Variants in GRXCR1 observed in about 807,000 individuals in gnomAD.
GRXCR1 encodes glutaredoxin and cysteine rich domain containing 1, also known as glutaredoxin domain-containing cysteine-rich protein 1.
GRXCR1 carries 27 observed loss-of-function variants against 27.3 expected under a neutral mutation model. That is an observed-to-expected ratio of 0.99 (90% confidence interval 0.73 to 1.37). GRXCR1 has a LOEUF of 1.37. GRXCR1 is among the 40% of genes most tolerant of loss of function. The probability of loss-of-function intolerance (pLI) is 0.00; values close to 1 mark genes in which losing one functional copy is unlikely to be tolerated. For missense variants in GRXCR1, 379 were observed against 354.4 expected, an observed-to-expected ratio of 1.07 and a Z score of -0.56; for synonymous variants, 122 against 131.1, an observed-to-expected ratio of 0.93 and a Z score of 0.47.
At chr4:43,013,603 C>T (rs531784996) in intron 2 of GRXCR1, among the ~76,000 whole-genome samples, 1 of 152,218 alleles carries the variant, frequency 6.6e-6, no homozygotes, top group East Asian at 1.9e-4. Flanking sequence ...AGGTAACAAA[C>T]CTGCACATGT....
At chr4:42,969,194 G>A (rs1369186894) in intron 2 of GRXCR1, among the ~76,000 whole-genome samples, 1 of 152,118 alleles carries the variant, frequency 6.6e-6, no homozygotes, top group East Asian at 1.9e-4. Flanking sequence ...GCTTTGTTAT[G>A]TTTTGAAAGT....
intron 2 of GRXCR1, among the ~76,000 whole-genome samples, chr4:43,014,361 C>A (rs1409643601): frequency 6.6e-6 from 1 of 152,062 alleles, no homozygotes; most frequent in Non-Finnish European, 1.5e-5. Context: ...GTTGATGAAA[C>A]CTCCCATTTT....
At chr4:42,986,921 C>G (rs1416434076) in intron 2 of GRXCR1, among the ~76,000 whole-genome samples, 1 of 151,348 alleles carries the variant, frequency 6.6e-6, no homozygotes, top group African/African-American at 2.4e-5. Context: ...CATTGAGTAC[C>G]TTCTGTGCGA....
At chr4:42,909,199 C>A (rs1746663399) in intron 1 of GRXCR1, among the ~76,000 whole-genome samples, 1 of 152,150 alleles carries the variant, frequency 6.6e-6, no homozygotes, top group African/African-American at 2.4e-5. Context: ...GGTGCATCTG[C>A]CATACAGGGT....
At chr4:42,979,813 G>T (rs1484609788) in intron 2 of GRXCR1, among the ~76,000 whole-genome samples, 4 of 151,868 alleles carry the variant, frequency 2.6e-5, no homozygotes, top group Non-Finnish European at 5.9e-5. Context: ...TTTGTATGAT[G>T]AAATACTTTC....
Position 42,926,821 on chromosome 4 carries a change from A to G in GRXCR1, c.384+33171A>G, listed in dbSNP as rs190350128. 1.7e-3 allele frequency among the ~76,000 whole-genome samples: 266 copies of G among 152,160 alleles called. 2 individuals are homozygous for G. Among genetic ancestry groups the G allele is most frequent in the African/African-American group, 6.2e-3 (259 of 41,562 alleles). On this transcript the variant is annotated intron_variant, in intron 1 of 3. Transcript: ENST00000399770. ...CCAACAGAAAAATCAGTTCCCAAAT[A>G]GCATATTGGTTTTCCATGGTTTTCT... is the stretch of plus-strand genomic sequence containing the variant.
At chr4:42,991,553 A>G (rs1711975940) in intron 2 of GRXCR1, among the ~76,000 whole-genome samples, 1 of 152,004 alleles carries the variant, frequency 6.6e-6, no homozygotes, top group South Asian at 2.1e-4. Context: ...TGGGAGAGAG[A>G]GCATGTGAGG....
chr4:43,005,143 C>T (rs1180931034), intron 2 of GRXCR1, among the ~76,000 whole-genome samples: 1 of 152,068 alleles, frequency 6.6e-6, no homozygotes, highest in Admixed American at 6.6e-5. Flanking sequence ...TTTGGCAGTT[C>T]CCCCCTCACT....
At position 43,008,770 on chromosome 4, in the gene GRXCR1, G is replaced by A. The variant is rs1712644909; in HGVS notation, c.628-11584G>A. Among the ~76,000 whole-genome samples, 12 of 152,168 alleles carry A rather than the reference G, an allele frequency of 7.9e-5. No individual in the cohort carries two copies. The South Asian group carries it at 2.5e-3, about 32-fold the overall frequency. On this transcript the variant is annotated intron_variant, in intron 2 of 3. Coordinates refer to ENST00000399770, the MANE Select transcript of GRXCR1 (RefSeq NM_001080476.3). ...ATTCTGACCCTGCCAACTGTTAGTTGTGTGATTTTGAACAATATTCCTGTA... is the reference window on the plus strand; with the variant it reads ...ATTCTGACCCTGCCAACTGTTAGTTATGTGATTTTGAACAATATTCCTGTA...
At chr4:42,998,841 C>T (rs1337512071) in intron 2 of GRXCR1, among the ~76,000 whole-genome samples, 1 of 152,112 alleles carries the variant, frequency 6.6e-6, no homozygotes, top group African/African-American at 2.4e-5. Flanking sequence ...TTTTGTGTGT[C>T]AGAGATAAGT....
intron 1 of GRXCR1, among the ~76,000 whole-genome samples, chr4:42,910,704 C>T (rs1387669334): frequency 6.6e-6 from 1 of 152,142 alleles, no homozygotes; most frequent in African/African-American, 2.4e-5. Context: ...GGCATATAAG[C>T]TGTCCTTGAT....
At chr4:42,954,778 A>G (rs1217812801) in intron 1 of GRXCR1, among the ~76,000 whole-genome samples, 1 of 151,646 alleles carries the variant, frequency 6.6e-6, no homozygotes, top group Non-Finnish European at 1.5e-5. Flanking sequence ...AGAGCTGAAT[A>G]GAGAGTATGG....
chr4:42,916,449 G>A (rs565546161), intron 1 of GRXCR1, among the ~76,000 whole-genome samples: 7 of 152,096 alleles, frequency 4.6e-5, no homozygotes, highest in African/African-American at 1.7e-4. Context: ...AGATAATATC[G>A]CCTTAACCTT....
intron 1 of GRXCR1, among the ~76,000 whole-genome samples, chr4:42,959,903 A>T (rs548411935): frequency 6.6e-6 from 1 of 152,044 alleles, no homozygotes; most frequent in East Asian, 1.9e-4. Flanking sequence ...AGATTTTCAA[A>T]GGATCCCCAG....
chr4:42,938,695 G>A (rs566961968), intron 1 of GRXCR1, among the ~76,000 whole-genome samples: 1 of 151,824 alleles, frequency 6.6e-6, no homozygotes, highest in African/African-American at 2.4e-5. Flanking sequence ...TGAGAGATAT[G>A]GGTCTAATTT....
rs115794646 is a variant in GRXCR1 at position 42,943,078 on chromosome 4, G to A, written c.385-19814G>A. ...CGCATTATCAGTTTGGGATATAGAG[G>A]TACCAGAGTTAAATCCTGGTTTTCC... On this transcript the variant is annotated intron_variant, in intron 1 of 3. Transcript: ENST00000399770. Among the ~76,000 whole-genome samples, 529 of 152,154 alleles carry A rather than the reference G, an allele frequency of 3.5e-3. 2 individuals are homozygous for A. The highest frequency in any genetic ancestry group is 0.012 in the African/African-American group (501 of 41,536).
intron 1 of GRXCR1, among the ~76,000 whole-genome samples, chr4:42,958,860 A>G (rs1748068517): frequency 1.3e-5 from 2 of 152,014 alleles, no homozygotes; most frequent in Non-Finnish European, 2.9e-5. Flanking sequence ...AGTGCAAATC[A>G]AAACAGTGAG....
chr4:42,979,001 C>T (rs1334897080), intron 2 of GRXCR1, among the ~76,000 whole-genome samples: 1 of 152,002 alleles, frequency 6.6e-6, no homozygotes, highest in Non-Finnish European at 1.5e-5. Flanking sequence ...TGCCTTGCTT[C>T]TCTTTCACTT....
chr4:42,935,786 T>C (rs1747441863), intron 1 of GRXCR1, among the ~76,000 whole-genome samples: 1 of 151,928 alleles, frequency 6.6e-6, no homozygotes. Flanking sequence ...ATAATCTTAA[T>C]GCGTTTTATT....
Sources: gnomAD v4.1 joint callset for allele counts (sites outside exome capture counted in the v4.1 genomes callset) on GRCh38, gnomAD v4.1.1 for gene constraint, MANE v1.5 for transcripts, NCBI Gene and HGNC (gene_info 2026-07-23, HGNC 2026-07-21) for gene names.